CACNA2D1: variants seen among roughly 807,000 people sequenced by gnomAD.
The protein encoded by CACNA2D1 is calcium voltage-gated channel auxiliary subunit alpha2delta 1.
Under a neutral mutation model 171.5 loss-of-function variants are expected in CACNA2D1, and 53 were observed. The ratio of observed to expected loss-of-function variants is 0.31; its 90% CI spans 0.25 to 0.39. The LOEUF (loss-of-function observed/expected upper bound fraction) is 0.39, where lower values mean the gene tolerates loss of function less well. Among genes scored for constraint, CACNA2D1 ranks in the 10% least tolerant of loss-of-function variants. The pLI is 1.00. For synonymous variants in CACNA2D1, 442 were observed against 443.1 expected, an observed-to-expected ratio of 1.00 and a Z score of 0.03; for missense variants, 903 against 1,299.8, an observed-to-expected ratio of 0.69 and a Z score of 4.69.
chr7:82,186,778 T>G (rs1241937240), intron 3 of CACNA2D1, among the ~76,000 whole-genome samples: 2 of 152,186 alleles, frequency 1.3e-5, no homozygotes, highest in African/African-American at 4.8e-5. Context: ...AGATCTATAA[T>G]ATATGATAGT....
At chr7:82,357,256 T>C (rs966367802) in intron 1 of CACNA2D1, among the ~76,000 whole-genome samples, 2 of 152,176 alleles carry the variant, frequency 1.3e-5, no homozygotes, top group African/African-American at 4.8e-5. Context: ...ACTCTTTATT[T>C]TCAAAACGAA....
chr7:82,205,935 T>G (rs947053211), intron 3 of CACNA2D1, among the ~76,000 whole-genome samples: 1 of 152,136 alleles, frequency 6.6e-6, no homozygotes, highest in Admixed American at 6.5e-5. Flanking sequence ...AACTTAAAAA[T>G]TTTTTTGTTA....
intron 6 of CACNA2D1, among the ~76,000 whole-genome samples, chr7:82,099,103 TTTACTTTC>T (rs961747341): frequency 3.3e-4 from 44 of 133,382 alleles, no homozygotes; most frequent in African/African-American, 9.3e-4. Flanking sequence ...AAAAGAATCC[TTTACTTTC>T]TTGTCAGTTT....
At chr7:81,978,770 T>TATACAC (rs772536703) in intron 24 of CACNA2D1, among the ~76,000 whole-genome samples, 20 of 144,014 alleles carry the variant, frequency 1.4e-4, no homozygotes, top group South Asian at 4.4e-4. Flanking sequence ...TATATATATA[T>TATACAC]ACACACACAC....
intron 10 of CACNA2D1, among the ~76,000 whole-genome samples, chr7:82,045,490 AT>A (rs1460513859): frequency 2.0e-5 from 3 of 152,134 alleles, no homozygotes; most frequent in Admixed American, 2.0e-4. Context: ...GTTTTGGTAT[AT>A]AGTCATGGTG....
At chr7:82,169,523 G>A (rs1168803622) in intron 4 of CACNA2D1, among the ~76,000 whole-genome samples, 1 of 151,934 alleles carries the variant, frequency 6.6e-6, no homozygotes, top group African/African-American at 2.4e-5. Context: ...TTATATACAT[G>A]AATTAAATAT....
intron 31 of CACNA2D1, among the ~76,000 whole-genome samples, chr7:81,966,048 T>A (rs546260852): frequency 3.3e-5 from 5 of 151,828 alleles, no homozygotes; most frequent in African/African-American, 4.8e-5. Flanking sequence ...AAAGATATTT[T>A]AAAAAAATAT....
At chr7:82,172,142 A>G (rs1209823969) in intron 3 of CACNA2D1, among the ~76,000 whole-genome samples, 2 of 152,044 alleles carry the variant, frequency 1.3e-5, no homozygotes, top group African/African-American at 2.4e-5. Context: ...GTTTTTCACT[A>G]CTAGGTAGAA....
chr7:82,187,337 C>T (rs748954512), intron 3 of CACNA2D1, among the ~76,000 whole-genome samples: 39 of 152,030 alleles, frequency 2.6e-4, no homozygotes, highest in Non-Finnish European at 4.6e-4. Flanking sequence ...TCCTTTCAAG[C>T]AACACAGAAT....
intron 3 of CACNA2D1, among the ~76,000 whole-genome samples, chr7:82,250,775 G>T (rs1002887160): frequency 1.3e-5 from 2 of 151,978 alleles, no homozygotes; most frequent in African/African-American, 4.8e-5. Flanking sequence ...TTCTTGAAAA[G>T]ATTTCACAAG....
intron 1 of CACNA2D1, among the ~76,000 whole-genome samples, chr7:82,428,476 T>G (rs990362794): frequency 1.3e-5 from 2 of 152,204 alleles, no homozygotes; most frequent in African/African-American, 4.8e-5. Flanking sequence ...GATTTTCCCC[T>G]AGTGTTCTAA....
At chr7:82,225,029 T>C (rs55888414) in intron 3 of CACNA2D1, among the ~76,000 whole-genome samples, 15,615 of 152,214 alleles carry the variant, frequency 0.1, 1,453 homozygotes, top group African/African-American at 0.25. Flanking sequence ...TTCTAAGGGT[T>C]TTCCCATTTA....
chr7:82,298,849 G>A (rs1484750379), intron 3 of CACNA2D1, among the ~76,000 whole-genome samples: 7 of 151,930 alleles, frequency 4.6e-5, no homozygotes, highest in African/African-American at 7.2e-5. Context: ...GATCACCTGC[G>A]GTCAGGAGTT....
intron 7 of CACNA2D1, among the ~76,000 whole-genome samples, chr7:82,070,450 C>T (rs778136733): frequency 1.6e-4 from 24 of 152,120 alleles, no homozygotes; most frequent in Non-Finnish European, 2.9e-4. Context: ...CTAAGTTGCG[C>T]AGGGTGTGGA....
At chr7:82,338,331 AT>A (rs1199170784) in intron 2 of CACNA2D1, among the ~76,000 whole-genome samples, 10 of 151,910 alleles carry the variant, frequency 6.6e-5, no homozygotes, top group Non-Finnish European at 1.5e-4. Context: ...TAAATTTTTT[AT>A]TTAAAAAAAA....
Position 81,950,237 on chromosome 7 carries a change from G to T in CACNA2D1, c.*155C>A. Reference sequence around the variant, plus strand: ...ACACCCTGACATGCAGCCAGTGGGTGCCTTAGGAGTCTGCGCCTTAGTGTT... The same window carrying T: ...ACACCCTGACATGCAGCCAGTGGGTTCCTTAGGAGTCTGCGCCTTAGTGTT... On this transcript the variant is annotated 3_prime_UTR_variant, in exon 39 of 39. Coordinates refer to ENST00000356860, the MANE Select transcript of CACNA2D1 (RefSeq NM_000722.4). The T allele has an allele frequency of 7.6e-7, 1 of 1,318,126 alleles. No homozygotes were observed. Among genetic ancestry groups the T allele is most frequent in the South Asian group, 1.3e-5 (1 of 77,028 alleles). 81.7% of individuals were successfully genotyped at this position (1,318,126 alleles called of 1,614,324 possible).
At chr7:82,440,599 C>A (rs1239349235) in intron 1 of CACNA2D1, among the ~76,000 whole-genome samples, 3 of 151,710 alleles carry the variant, frequency 2.0e-5, no homozygotes, top group African/African-American at 7.3e-5. Flanking sequence ...AACACCTAAC[C>A]CAGAGAAATA....
intron 36 of CACNA2D1, 96 bp downstream of exon 36, chr7:81,961,798 G>GTAATGATTATAACAGTATATACAATTTCT (rs35112512): frequency 2.1e-6 from 2 of 963,702 alleles, no homozygotes; most frequent in Non-Finnish European, 3.2e-6. Flanking sequence ...AGTTTTTTCT[G>GTAATGATTATAACAGTATATACAATTTCT]TAATGATTAT....
In CACNA2D1 at chr7:82,152,204, A is replaced by G. The variant is rs986264759; in HGVS notation, c.355-15528T>C. 3.9e-5 allele frequency among the ~76,000 whole-genome samples: 6 copies of G among 152,112 alleles called. 1 individual carries two copies. The Middle Eastern group carries it at 0.014, about 345-fold the overall frequency. ...CATTTACCATCATGTAAATGATATGAAAACCACATTTATATTAATATAATT... is the reference window on the plus strand; with the variant it reads ...CATTTACCATCATGTAAATGATATGGAAACCACATTTATATTAATATAATT... On this transcript the variant is annotated intron_variant, in intron 4 of 38. Transcript: ENST00000356860.
Sources: allele counts gnomAD v4.1 joint callset (sites outside exome capture counted in the v4.1 genomes callset), GRCh38; gene constraint gnomAD v4.1.1; transcripts MANE v1.5; gene names NCBI Gene and HGNC (gene_info 2026-07-23, HGNC 2026-07-21).